The following MLLT3 variants were observed in gnomAD, a reference collection of about 807,000 sequenced individuals.
MLLT3 encodes protein AF-9.
MLLT3 carries 4 observed loss-of-function variants against 53.2 expected under a neutral mutation model. That is an observed-to-expected ratio of 0.08 (90% CI 0.04 to 0.17). The LOEUF (loss-of-function observed/expected upper bound fraction) is 0.17, where lower values mean the gene tolerates loss of function less well. MLLT3 is among the 10% of genes least tolerant of loss of function. The pLI is 1.00. For missense variants in MLLT3, 569 were observed against 684.0 expected, an observed-to-expected ratio of 0.83 and a Z score of 1.87; for synonymous variants, 283 against 230.6, an observed-to-expected ratio of 1.23 and a Z score of -2.06.
At chr9:20,612,384 A>C (rs1450768825) in intron 2 of MLLT3, among the ~76,000 whole-genome samples, 1 of 152,182 alleles carries the variant, frequency 6.6e-6, no homozygotes, top group Non-Finnish European at 1.5e-5. Flanking sequence ...TGTATCCTAC[A>C]TATATATTGC....
intron 2 of MLLT3, among the ~76,000 whole-genome samples, chr9:20,544,340 T>C (rs1008903828): frequency 4.6e-5 from 7 of 152,014 alleles, no homozygotes; most frequent in South Asian, 2.1e-4. Flanking sequence ...CAAACTTCCA[T>C]GCAGGAAAAA....
At chr9:20,375,671 G>T (rs1214466001) in intron 5 of MLLT3, among the ~76,000 whole-genome samples, 2 of 147,020 alleles carry the variant, frequency 1.4e-5, no homozygotes, top group Non-Finnish European at 3.0e-5. Flanking sequence ...GCAGTGGCGC[G>T]GTTCTCAGCT....
intron 2 of MLLT3, among the ~76,000 whole-genome samples, chr9:20,587,302 T>C (rs920629352): frequency 6.6e-6 from 1 of 152,102 alleles, no homozygotes; most frequent in Non-Finnish European, 1.5e-5. Context: ...TTTTTCTTTA[T>C]TCACTCCTAT....
chr9:20,514,172 T>C (rs1035741329), intron 2 of MLLT3, among the ~76,000 whole-genome samples: 1 of 151,948 alleles, frequency 6.6e-6, no homozygotes, highest in African/African-American at 2.4e-5. Context: ...AGTGTAGGGG[T>C]GTACATTTGA....
At chr9:20,576,791 T>C (rs944818541) in intron 2 of MLLT3, among the ~76,000 whole-genome samples, 2 of 151,954 alleles carry the variant, frequency 1.3e-5, no homozygotes, top group African/African-American at 4.8e-5. Flanking sequence ...GTTGGAGAAA[T>C]GGAGCAAATA....
intron 2 of MLLT3, among the ~76,000 whole-genome samples, chr9:20,488,109 G>A (rs1484454050): frequency 6.6e-6 from 1 of 152,046 alleles, no homozygotes; most frequent in Non-Finnish European, 1.5e-5. Context: ...TTCCTTGAAG[G>A]ATAAGTGCTT....
chr9:20,577,838 AC>A (rs1172125834), intron 2 of MLLT3, among the ~76,000 whole-genome samples: 1 of 152,184 alleles, frequency 6.6e-6, no homozygotes, highest in African/African-American at 2.4e-5. Context: ...ATAATGGAAG[AC>A]TGCTCATGTG....
At chr9:20,501,699 C>G (rs1413636729) in intron 2 of MLLT3, among the ~76,000 whole-genome samples, 1 of 140,618 alleles carries the variant, frequency 7.1e-6, no homozygotes, top group Non-Finnish European at 1.5e-5. Context: ...TGCCGTGAGC[C>G]GAGATTGCGC....
intron 2 of MLLT3, among the ~76,000 whole-genome samples, chr9:20,493,465 A>G (rs1825003848): frequency 6.6e-6 from 1 of 152,050 alleles, no homozygotes; most frequent in Non-Finnish European, 1.5e-5. Flanking sequence ...AACTTCACAG[A>G]CAAGTCTTTA....
intron 5 of MLLT3, among the ~76,000 whole-genome samples, chr9:20,404,306 T>C (rs1396968028): frequency 6.6e-6 from 1 of 152,200 alleles, no homozygotes; most frequent in East Asian, 1.9e-4. Flanking sequence ...TCCCAATCTT[T>C]ACAAGAACCC....
chr9:20,534,705 T>TG (rs1818433686), intron 2 of MLLT3, among the ~76,000 whole-genome samples: 2 of 152,008 alleles, frequency 1.3e-5, no homozygotes, highest in South Asian at 2.1e-4. Context: ...GATAACACAG[T>TG]GAAACCCTGT....
At chr9:20,465,319 TAATTTTC>T (rs771099851) in intron 2 of MLLT3, among the ~76,000 whole-genome samples, 1 of 152,186 alleles carries the variant, frequency 6.6e-6, no homozygotes, top group African/African-American at 2.4e-5. Flanking sequence ...CTTAAAAGGA[TAATTTTC>T]AACTGAAATA....
At chr9:20,539,759 C>T (rs77161473) in intron 2 of MLLT3, among the ~76,000 whole-genome samples, 1 of 152,164 alleles carries the variant, frequency 6.6e-6, no homozygotes, top group African/African-American at 2.4e-5. Context: ...GACCTTCTCA[C>T]ACTGTGAGAT....
chr9:20,478,877 G>C (rs527367170), intron 2 of MLLT3, among the ~76,000 whole-genome samples: 1 of 152,098 alleles, frequency 6.6e-6, no homozygotes, highest in African/African-American at 2.4e-5. Context: ...TTCAGCAGAG[G>C]TGAAGTTCCA....
intron 2 of MLLT3, among the ~76,000 whole-genome samples, chr9:20,565,956 ATATATATATATT>A (rs59139361): frequency 0.052 from 1,070 of 20,744 alleles, 32 homozygotes; most frequent in African/African-American, 0.13. Flanking sequence ...ATATATATTT[ATATATATATATT>A]TATATATATA....
At chr9:20,585,925 T>A (rs558923359) in intron 2 of MLLT3, among the ~76,000 whole-genome samples, 11 of 152,298 alleles carry the variant, frequency 7.2e-5, no homozygotes, top group African/African-American at 2.6e-4. Context: ...GAATCACCAA[T>A]GGTCAGCCTG....
rs576017539 is a variant in MLLT3 at position 20,522,145 on chromosome 9, T to G, written c.194-65359A>C. Among the ~76,000 whole-genome samples, 46 of 151,826 alleles carry G rather than the reference T, an allele frequency of 3.0e-4. 1 individual carries two copies. The highest frequency in any genetic ancestry group is 2.8e-3 in the Admixed American group (42 of 15,266). On this transcript the variant is annotated intron_variant, in intron 2 of 10. Coordinates refer to ENST00000380338, the MANE Select transcript of MLLT3 (RefSeq NM_004529.4). ...AAAAAAAAAATTATTTAAAGAAAGA[T>G]TCCCACTACCAGCACTAAACTGTTC...
chr9:20,342,812 A>G lies in MLLT3; in HGVS notation c.*3631T>C, dbSNP rs761799840. 70 of 178,200 alleles carry G rather than the reference A, an allele frequency of 3.9e-4. No homozygotes were observed. Among genetic ancestry groups the G allele is most frequent in the Non-Finnish European group, 7.2e-4 (62 of 86,612 alleles). The allele number at this position is 178,200 out of a possible 1,614,324, so 11.0% of individuals were successfully genotyped here. On this transcript the variant is annotated 3_prime_UTR_variant, in exon 11 of 11. Coordinates refer to ENST00000380338, the MANE Select transcript of MLLT3 (RefSeq NM_004529.4). Reference sequence around the variant, plus strand: ...TTTTAGAGCAACAGTCCAAAGCAAGATTACTCTGATAATATATATGTGTAT... The same window carrying G: ...TTTTAGAGCAACAGTCCAAAGCAAGGTTACTCTGATAATATATATGTGTAT...
chr9:20,548,013 T>C lies in MLLT3; in HGVS notation c.193+72641A>G, dbSNP rs533442299. ...CACCTATAGCACATCTCAATTCAGA[T>C]GCTAAATTTTCATTTGACTACTTGA... On this transcript the variant is annotated intron_variant, in intron 2 of 10. Coordinates refer to ENST00000380338, the MANE Select transcript of MLLT3 (RefSeq NM_004529.4). Among the ~76,000 whole-genome samples, 10 of 152,360 alleles carry C rather than the reference T, an allele frequency of 6.6e-5. No homozygotes were observed. In the South Asian group the frequency reaches 8.3e-4, roughly 13 times the overall value.
Sources: allele counts gnomAD v4.1 joint callset (sites outside exome capture counted in the v4.1 genomes callset), GRCh38; gene constraint gnomAD v4.1.1; transcripts MANE v1.5; gene names NCBI Gene and HGNC (gene_info 2026-07-23, HGNC 2026-07-21).